The following SGCD variants were observed in gnomAD, a reference collection of about 807,000 sequenced individuals.
SGCD encodes the protein delta-sarcoglycan.
A neutral mutation model predicts 36.6 loss-of-function variants in SGCD; 18 were observed. The observed-to-expected ratio is 0.49, with a 90% confidence interval of 0.34 to 0.73. The LOEUF (loss-of-function observed/expected upper bound fraction) is 0.73. SGCD is among the 30% of genes least tolerant of loss of function. SGCD has a pLI of 0.01. For synonymous variants in SGCD, 133 were observed against 130.6 expected (o/e 1.02, Z -0.12); for missense variants, 387 against 346.7 (o/e 1.12, Z -0.92).
chr5:156,045,163 C>A (rs149960745), intron 1 of SGCD, among the ~76,000 whole-genome samples: 5 of 152,134 alleles, frequency 3.3e-5, no homozygotes, highest in African/African-American at 1.2e-4. Flanking sequence ...TTTATCCATT[C>A]CTGAGGACAG....
chr5:156,247,149 T>G (rs1002983854), intron 3 of SGCD, among the ~76,000 whole-genome samples: 12 of 152,192 alleles, frequency 7.9e-5, no homozygotes, highest in African/African-American at 2.7e-4. Context: ...AATTAGAGAA[T>G]CACATTAGCC....
the SGCD span, among the ~76,000 whole-genome samples, chr5:155,810,319 G>A: frequency 5.3e-5 from 8 of 152,220 alleles, no homozygotes; most frequent in East Asian, 1.2e-3. Context: ...TTATGTCTAT[G>A]CAGAAGTCAA....
chr5:156,603,442 T>C (rs1453920903), intron 6 of SGCD, among the ~76,000 whole-genome samples: 1 of 152,082 alleles, frequency 6.6e-6, no homozygotes, highest in Non-Finnish European at 1.5e-5. Context: ...ATCTTTATTA[T>C]TTACTTTCTT....
chr5:156,471,909 T>C (rs1754983625), intron 3 of SGCD, among the ~76,000 whole-genome samples: 1 of 147,940 alleles, frequency 6.8e-6, no homozygotes, highest in Non-Finnish European at 1.5e-5. Context: ...ATAAATGATT[T>C]GTATAATCAA....
chr5:156,436,241 G>A (rs6881542), intron 3 of SGCD, among the ~76,000 whole-genome samples: 73,720 of 152,046 alleles, frequency 0.48, 18,088 homozygotes, highest in Middle Eastern at 0.6. Context: ...ATGGATTTTG[G>A]TCAATTTCTT....
intron 1 of SGCD, among the ~76,000 whole-genome samples, chr5:156,005,511 C>T (rs1182626012): frequency 2.6e-5 from 4 of 152,014 alleles, no homozygotes; most frequent in East Asian, 1.9e-4. Flanking sequence ...AGTGCAGTGG[C>T]GTGATCTTGG....
At chr5:155,878,026 A>G (rs244990) in intron 1 of SGCD, among the ~76,000 whole-genome samples, 16,750 of 152,036 alleles carry the variant, frequency 0.11, 980 homozygotes, top group South Asian at 0.2. Context: ...TTCTTCCCCA[A>G]TGATATAACA....
chr5:156,682,123 T>A, intron 7 of SGCD, among the ~76,000 whole-genome samples: 1 of 152,204 alleles, frequency 6.6e-6, no homozygotes, highest in East Asian at 1.9e-4. Context: ...TTGGTAAGGA[T>A]CAAACATGGT....
At chr5:155,873,143 T>C (rs931989102) in intron 1 of SGCD, among the ~76,000 whole-genome samples, 1 of 152,080 alleles carries the variant, frequency 6.6e-6, no homozygotes, top group Non-Finnish European at 1.5e-5. Flanking sequence ...GGGTGATCCC[T>C]CCCTCCCCAG....
At chr5:155,733,239 A>AAG in the SGCD span, among the ~76,000 whole-genome samples, 7 of 152,080 alleles carry the variant, frequency 4.6e-5, no homozygotes. Flanking sequence ...CTTCATTATT[A>AAG]AGCTTTTGAC....
intron 1 of SGCD, among the ~76,000 whole-genome samples, chr5:155,889,620 G>A (rs966446841): frequency 6.6e-6 from 1 of 152,196 alleles, no homozygotes; most frequent in Non-Finnish European, 1.5e-5. Context: ...TTTTTAAAGA[G>A]TGAATCAAGT....
intron 1 of SGCD, among the ~76,000 whole-genome samples, chr5:155,891,194 G>T (rs1202267564): frequency 6.6e-6 from 1 of 152,164 alleles, no homozygotes; most frequent in Non-Finnish European, 1.5e-5. Flanking sequence ...CACTTTCTGG[G>T]CCCTACTGCA....
At chr5:156,327,528 A>G (rs1194443186) in intron 1 of SGCD, among the ~76,000 whole-genome samples, 1 of 152,194 alleles carries the variant, frequency 6.6e-6, no homozygotes, top group Non-Finnish European at 1.5e-5. Context: ...CCCTGCTCCA[A>G]CCATCTGTAA....
rs531262608 is a variant in SGCD, at chr5:156,314,118, GT to G, written c.-43-15413del. Among the ~76,000 whole-genome samples the G allele has an allele frequency of 3.7e-3, 569 of 152,038 alleles. 2 individuals are homozygous for G. The highest frequency in any genetic ancestry group is 0.013 in the African/African-American group (545 of 41,506). ...CAAAGAGTGCTTAGGGAAAAAGCCA[GT>G]TTAGTCAAAAATATAAAATTAATGA... On this transcript the variant is annotated intron_variant, in intron 3 of 9. Transcript: ENST00000517913.
At chr5:155,874,819 A>G (rs1755732983) in intron 1 of SGCD, among the ~76,000 whole-genome samples, 1 of 152,152 alleles carries the variant, frequency 6.6e-6, no homozygotes, top group South Asian at 2.1e-4. Context: ...TAGTGACAAT[A>G]CAAAATGCTA....
At chr5:156,364,993 C>T (rs1186245028) in intron 3 of SGCD, among the ~76,000 whole-genome samples, 1 of 152,182 alleles carries the variant, frequency 6.6e-6, no homozygotes, top group Non-Finnish European at 1.5e-5. Flanking sequence ...ACTCAGATAG[C>T]TTTTATCTCT....
intron 3 of SGCD, among the ~76,000 whole-genome samples, chr5:156,310,723 A>T (rs1226256412): frequency 6.6e-6 from 1 of 152,206 alleles, no homozygotes; most frequent in Non-Finnish European, 1.5e-5. Flanking sequence ...GAATGAACAG[A>T]TTATTTGAGT....
chr5:156,052,930 T>C (rs1368127775), intron 1 of SGCD, among the ~76,000 whole-genome samples: 1 of 146,160 alleles, frequency 6.8e-6, no homozygotes, highest in Admixed American at 6.8e-5. Context: ...CTGGGTTTCC[T>C]CTTATGCAAG....
At chr5:156,054,426 C>G (rs1760007796) in intron 1 of SGCD, among the ~76,000 whole-genome samples, 1 of 144,318 alleles carries the variant, frequency 6.9e-6, no homozygotes, top group East Asian at 1.9e-4. Flanking sequence ...CCTGGGACTA[C>G]AGGCACCCGC....
Sources: gnomAD v4.1 joint callset for allele counts (sites outside exome capture counted in the v4.1 genomes callset) on GRCh38, gnomAD v4.1.1 for gene constraint, MANE v1.5 for transcripts, NCBI Gene and HGNC (gene_info 2026-07-23, HGNC 2026-07-21) for gene names.